RHOBTB1: variants seen among roughly 807,000 people sequenced by gnomAD.
The protein encoded by RHOBTB1 is Rho related BTB domain containing 1.
A neutral mutation model predicts 71.6 loss-of-function variants in RHOBTB1; 40 were observed. The ratio of observed to expected loss-of-function variants is 0.56; its 90% CI spans 0.43 to 0.73. The LOEUF is 0.73. Among genes scored for constraint, RHOBTB1 ranks in the 30% least tolerant of loss-of-function variants. RHOBTB1 has a pLI of 0.00. For synonymous variants in RHOBTB1, 319 were observed against 334.9 expected (o/e 0.95, Z 0.52); for missense variants, 797 against 894.0 (o/e 0.89, Z 1.38).
chr10:60,988,280 G>T (rs561231118), intron 1 of RHOBTB1, among the ~76,000 whole-genome samples: 8 of 151,992 alleles, frequency 5.3e-5, no homozygotes, highest in Non-Finnish European at 1.2e-4. Flanking sequence ...TTATTTCAAA[G>T]AACTAAGATT....
chr10:60,924,174 T>A (rs1057202555), intron 2 of RHOBTB1, among the ~76,000 whole-genome samples: 4 of 152,098 alleles, frequency 2.6e-5, no homozygotes, highest in African/African-American at 9.7e-5. Flanking sequence ...CCATTGTATC[T>A]TATCAAAATG....
At chr10:60,862,517 T>G in the RHOBTB1 span, among the ~76,000 whole-genome samples, 1 of 151,962 alleles carries the variant, frequency 6.6e-6, no homozygotes, top group South Asian at 2.1e-4. Flanking sequence ...GAATACGCTG[T>G]CTCTCTCTCC....
At chr10:60,863,735 G>C in the RHOBTB1 span, among the ~76,000 whole-genome samples, 4 of 152,152 alleles carry the variant, frequency 2.6e-5, no homozygotes, top group Non-Finnish European at 4.4e-5. Context: ...GTTTCACCGT[G>C]TTGGCCAGGC....
chr10:60,990,606 C>G (rs1411754328), intron 1 of RHOBTB1, among the ~76,000 whole-genome samples: 1 of 152,174 alleles, frequency 6.6e-6, no homozygotes, highest in Admixed American at 6.5e-5. Context: ...ACCACTGCTA[C>G]TTTCCTAGAA....
intron 4 of RHOBTB1, among the ~76,000 whole-genome samples, chr10:60,907,341 G>T (rs546990383): frequency 6.6e-6 from 1 of 152,272 alleles, no homozygotes; most frequent in African/African-American, 2.4e-5. Context: ...AGAGCTCCAG[G>T]AGACAACTCT....
At chr10:60,967,900 C>T (rs760305868) in intron 2 of RHOBTB1, among the ~76,000 whole-genome samples, 1 of 152,098 alleles carries the variant, frequency 6.6e-6, no homozygotes, top group Non-Finnish European at 1.5e-5. Flanking sequence ...TGTCCCTGTT[C>T]TGGCTTAAAT....
At chr10:60,992,206 T>C (rs935137819) in intron 1 of RHOBTB1, among the ~76,000 whole-genome samples, 4 of 152,142 alleles carry the variant, frequency 2.6e-5, no homozygotes, top group African/African-American at 9.7e-5. Context: ...GAAACGAAAG[T>C]AGGAAGATTT....
In RHOBTB1 at chr10:60,964,372, CAA is replaced by C. The variant is rs535707407; in HGVS notation, c.-62+21471_-62+21472del. ...CTCTAGGGGACACATGGAAAATAAG[CAA>C]AGTCTCTCAAGCCAAAAATTTGAGA... is the stretch of plus-strand genomic sequence containing the variant. On this transcript the variant is annotated intron_variant, in intron 2 of 11. Coordinates refer to the RHOBTB1 transcript ENST00000357917. 4.2e-3 allele frequency among the ~76,000 whole-genome samples: 639 copies of C among 152,146 alleles called. 1 individual carries two copies. Among genetic ancestry groups the C allele is most frequent in the Non-Finnish European group, 7.0e-3 (478 of 67,974 alleles).
chr10:60,902,914 C>A (rs1239862287), intron 4 of RHOBTB1, among the ~76,000 whole-genome samples: 1 of 152,160 alleles, frequency 6.6e-6, no homozygotes, highest in Non-Finnish European at 1.5e-5. Flanking sequence ...GACACCAGGC[C>A]ACGTATCGGG....
the RHOBTB1 span, among the ~76,000 whole-genome samples, chr10:60,863,317 T>G: frequency 1.3e-5 from 2 of 152,240 alleles, no homozygotes; most frequent in Non-Finnish European, 2.9e-5. Flanking sequence ...GAGACGTTAA[T>G]TACAATGAAT....
chr10:60,934,137 T>A (rs965326495), intron 2 of RHOBTB1, among the ~76,000 whole-genome samples: 1 of 152,170 alleles, frequency 6.6e-6, no homozygotes, highest in Admixed American at 6.6e-5. Context: ...AAATAAAATA[T>A]CTTTGTGTGT....
intron 2 of RHOBTB1, among the ~76,000 whole-genome samples, chr10:60,962,593 A>G (rs1276758478): frequency 2.0e-5 from 3 of 152,146 alleles, no homozygotes; most frequent in African/African-American, 7.2e-5. Flanking sequence ...TTTCTGTATA[A>G]AATAATTTTC....
intron 2 of RHOBTB1, among the ~76,000 whole-genome samples, chr10:60,958,033 C>T (rs1334471928): frequency 6.6e-5 from 10 of 152,066 alleles, no homozygotes; most frequent in Admixed American, 6.6e-4. Context: ...AGATACAGAC[C>T]CCACAGTTAA....
At chr10:60,985,702 A>AT (rs1205879243) in intron 2 of RHOBTB1, 4 of 152,204 alleles carry the variant, frequency 2.6e-5, no homozygotes, top group Non-Finnish European at 5.9e-5. Flanking sequence ...AAATATTTCT[A>AT]TTTTTTGTGA....
At chr10:60,978,942 A>G (rs1342526642) in intron 2 of RHOBTB1, among the ~76,000 whole-genome samples, 1 of 152,168 alleles carries the variant, frequency 6.6e-6, no homozygotes, top group East Asian at 1.9e-4. Flanking sequence ...ATGATATGAT[A>G]AATGGCTGGC....
intron 1 of RHOBTB1, among the ~76,000 whole-genome samples, chr10:60,997,735 TATA>T (rs1225395247): frequency 6.6e-6 from 1 of 152,200 alleles, no homozygotes; most frequent in Admixed American, 6.5e-5. Flanking sequence ...CACCGAAGTT[TATA>T]GAGACCAGAA....
chr10:60,945,783 G>T (rs914850236), upstream of RHOBTB1, among the ~76,000 whole-genome samples: 6 of 152,158 alleles, frequency 3.9e-5, no homozygotes, highest in African/African-American at 1.4e-4. Flanking sequence ...AGTTACCAAG[G>T]CCCTAGTCTT....
chr10:60,922,543 T>C (rs1380347068), intron 2 of RHOBTB1, among the ~76,000 whole-genome samples: 1 of 152,192 alleles, frequency 6.6e-6, no homozygotes, highest in Non-Finnish European at 1.5e-5. Flanking sequence ...CAGACTGCCA[T>C]GTCCACGGGG....
In RHOBTB1 at chr10:60,871,580, G is replaced by A. The variant is rs767115133; in HGVS notation, c.1993C>T (p.Arg665Cys). The A allele has an allele frequency of 8.1e-6, 13 of 1,613,954 alleles. No homozygotes were observed. The highest frequency in any genetic ancestry group is 1.3e-5 in the African/African-American group (1 of 74,990). The part of the protein sequence containing the change: ...WYLKEEDHYQ[R>C]VKREREKEDI... ...TCCTTCTCTCGTTCCCTTTTCACACGCTGGTAGTGATCTTCTTCCTTCAGG... is the reference window on the plus strand; with the variant it reads ...TCCTTCTCTCGTTCCCTTTTCACACACTGGTAGTGATCTTCTTCCTTCAGG... Residue 665 changes from arginine (R) to cysteine (C), a missense_variant, in exon 11 of 11, where the codon CGT (arginine) becomes TGT (cysteine). Arg to Cys is a radical substitution (Grantham distance 180). Coordinates refer to ENST00000337910, the MANE Select transcript of RHOBTB1 (RefSeq NM_014836.5).
Sources: gnomAD v4.1 joint callset for allele counts (sites outside exome capture counted in the v4.1 genomes callset) on GRCh38, gnomAD v4.1.1 for gene constraint, MANE v1.5 for transcripts, NCBI Gene and HGNC (gene_info 2026-07-23, HGNC 2026-07-21) for gene names.